The following SUPT16H variants were observed in gnomAD, a reference collection of about 807,000 sequenced individuals.
SUPT16H encodes SPT16 homolog, facilitates chromatin remodeling subunit, also known as FACT complex subunit SPT16.
Under a neutral mutation model 136.2 loss-of-function variants are expected in SUPT16H, and 24 were observed. The observed-to-expected ratio is 0.18, with a 90% CI of 0.13 to 0.25. The LOEUF is 0.25. Ranked by LOEUF, SUPT16H falls within the 10% of genes least tolerant of loss-of-function variation. The pLI is 1.00. For synonymous variants in SUPT16H, 415 were observed against 428.2 expected, an observed-to-expected ratio of 0.97 and a Z score of 0.38; for missense variants, 623 against 1,270.2, an observed-to-expected ratio of 0.49 and a Z score of 7.74.
chr14:21,352,919 A>C, intron 25 of SUPT16H, 101 bp from the exon 26 acceptor site: 2 of 1,499,010 alleles, frequency 1.3e-6, no homozygotes, highest in Non-Finnish European at 1.8e-6. Context: ...TTGGAATCAG[A>C]CCCAAGTTTT....
rs1886735904 is a variant in SUPT16H, at chr14:21,369,193, C to A, written c.782+11G>T. On this transcript the variant is annotated intron_variant, in intron 6 of 25. Transcript: ENST00000216297. The stretch of plus-strand genomic sequence containing the variant: ...TCAAAATGCTATATTATGAAGTCTT[C>A]ATATACTTACCTCACCACACTGAAC... 6.2e-7 allele frequency: 1 copy of A among 1,612,104 alleles called. No homozygotes were observed. The highest frequency in any genetic ancestry group is 8.5e-7 in the Non-Finnish European group (1 of 1,179,526).
At chr14:21,368,174 C>T (rs774450577) in intron 7 of SUPT16H, 95 bp downstream of exon 7, 7 of 1,314,046 alleles carry the variant, frequency 5.3e-6, no homozygotes, top group Non-Finnish European at 7.3e-6. Flanking sequence ...CTGCCTCGGC[C>T]TCCCAGTGTA....
chr14:21,369,344 G>A lies in SUPT16H; in HGVS notation c.642C>T (p.His214=). Residue 214 remains histidine, a synonymous_variant, in exon 6 of 26, where the codon CAC becomes CAT. Transcript: ENST00000216297. ...EIVDADEKVR[H]SKLAESVEKA... is the part of the protein sequence containing the mutation. ...TTTCCACAGACTCAGCCAGTTTGCT[G>A]TGTCGAACTTTCTGTAAGAGCATCC... The A allele has an allele frequency of 1.2e-6, 2 of 1,614,142 alleles. No homozygotes were observed. Among genetic ancestry groups the A allele is most frequent in the Non-Finnish European group, 8.5e-7 (1 of 1,179,982 alleles).
intron 8 of SUPT16H, 64 bp downstream of exon 8, chr14:21,366,373 TAA>T: frequency 6.8e-7 from 1 of 1,463,760 alleles, no homozygotes; most frequent in Admixed American, 1.8e-5. Context: ...CCTAAAGAAA[TAA>T]GACTGACCAC....
intron 1 of SUPT16H, 47 bp downstream of exon 1, chr14:21,383,815 G>C: frequency 6.2e-7 from 1 of 1,607,104 alleles, no homozygotes; most frequent in Non-Finnish European, 8.5e-7. Context: ...GGTTATTATG[G>C]GATGGCTAAG....
In SUPT16H at chr14:21,361,126, T is replaced by C. The variant is rs1254132579; in HGVS notation, c.1881A>G (p.Glu627=). 2 of 1,614,074 alleles carry C rather than the reference T, an allele frequency of 1.2e-6. No individual in the cohort carries two copies. Among genetic ancestry groups the C allele is most frequent in the African/African-American group, 2.7e-5 (2 of 74,940 alleles). ...CTCGAGTTTTATAACGTTTCTGTACTTCTTTAATAATTCGGAAAGCATTCT... is the reference window on the plus strand; with the variant it reads ...CTCGAGTTTTATAACGTTTCTGTACCTCTTTAATAATTCGGAAAGCATTCT... ...NLQNAFRIIK[E]VQKRYKTREA... The change falls in exon 16 of 26, where the codon GAA becomes GAG. Residue 627 remains glutamate (E), a synonymous_variant. Coordinates refer to ENST00000216297, the MANE Select transcript of SUPT16H (RefSeq NM_007192.4).
At position 21,359,479 on chromosome 14, in the gene SUPT16H, C is replaced by T. The variant is rs749566073; in HGVS notation, c.2301+5G>A. 6.2e-7 allele frequency: 1 copy of T among 1,611,942 alleles called. No homozygotes were observed. Among genetic ancestry groups the T allele is most frequent in the Non-Finnish European group, 8.5e-7 (1 of 1,179,584 alleles). On this transcript the variant is annotated splice_donor_5th_base_variant and intron_variant, in intron 19 of 25. Coordinates refer to ENST00000216297, the MANE Select transcript of SUPT16H (RefSeq NM_007192.4). ...CCTGCAAATACAATACTAAATTTCA[C>T]AAACCTGCTCAGCATAGAGGTCATC...
At chr14:21,363,600 C>T (rs1326966473) in intron 10 of SUPT16H, 97 bp from the exon 11 acceptor site, 1 of 1,031,510 alleles carries the variant, frequency 9.7e-7, no homozygotes, top group East Asian at 2.4e-5. Flanking sequence ...ATCTTTTGGA[C>T]ACTAAAATGT....
At chr14:21,372,472 C>T (rs191849591) in intron 2 of SUPT16H, 2 of 315,538 alleles carry the variant, frequency 6.3e-6, no homozygotes, top group East Asian at 1.7e-4. Flanking sequence ...ATTTTACCTT[C>T]CTTTCAGGTA....
rs1248135411 is a variant in SUPT16H at position 21,369,362 on chromosome 14, G to C, written c.631-7C>G. On this transcript the variant is annotated splice_region_variant and splice_polypyrimidine_tract_variant and intron_variant, in intron 5 of 25. Transcript: ENST00000216297. ...GTTTGCTGTGTCGAACTTTCTGTAAGAGCATCCAGAAATAAAGTAACACTT... is the reference window on the plus strand; with the variant it reads ...GTTTGCTGTGTCGAACTTTCTGTAACAGCATCCAGAAATAAAGTAACACTT... The C allele has an allele frequency of 6.2e-7, 1 of 1,614,026 alleles. No individual in the cohort carries two copies. The highest frequency in any genetic ancestry group is 8.5e-7 in the Non-Finnish European group (1 of 1,179,942).
At chr14:21,368,652 G>A (rs1341887272) in intron 6 of SUPT16H, among the ~76,000 whole-genome samples, 4 of 152,084 alleles carry the variant, frequency 2.6e-5, no homozygotes, top group Admixed American at 2.6e-4. Context: ...AAAACTTTTA[G>A]GATAAAAATT....
chr14:21,373,101 A>C (rs980844401), intron 2 of SUPT16H, among the ~76,000 whole-genome samples: 1 of 152,004 alleles, frequency 6.6e-6, no homozygotes, highest in African/African-American at 2.4e-5. Flanking sequence ...ACACCCCCAC[A>C]TCTGCTTAAT....
chr14:21,372,571 G>A (rs1886809971), intron 2 of SUPT16H: 6 of 367,290 alleles, frequency 1.6e-5, no homozygotes, highest in South Asian at 1.2e-4. Flanking sequence ...AAGAAAAGGT[G>A]GCCTCCTGTT....
intron 14 of SUPT16H, 113 bp from the exon 15 acceptor site, chr14:21,362,437 C>G (rs991388638): frequency 2.0e-6 from 2 of 990,396 alleles, no homozygotes; most frequent in Non-Finnish European, 2.8e-6. Context: ...TAACCTTAAT[C>G]TAAATCTAAT....
intron 20 of SUPT16H, 46 bp from the exon 21 acceptor site, chr14:21,358,048 T>G: frequency 6.5e-7 from 1 of 1,536,960 alleles, no homozygotes; most frequent in Non-Finnish European, 9.0e-7. Context: ...CGAGAGAGAC[T>G]GCTCCTACCA....
chr14:21,375,016 CTTT>C (rs990566718), intron 1 of SUPT16H, among the ~76,000 whole-genome samples: 1 of 149,228 alleles, frequency 6.7e-6, no homozygotes, highest in Admixed American at 6.7e-5. Flanking sequence ...TAGTATCCTG[CTTT>C]TTTTTTTCTT....
chr14:21,368,459 A>T lies in SUPT16H; in HGVS notation c.783-18T>A. The stretch of plus-strand genomic sequence containing the variant: ...TCTTGTCACTAGAGACCAACAAAGA[A>T]AGAAAACATTTCATTACCAAAACTA... On this transcript the variant is annotated intron_variant, in intron 6 of 25. Coordinates refer to ENST00000216297, the MANE Select transcript of SUPT16H (RefSeq NM_007192.4). 1.3e-6 allele frequency: 2 copies of T among 1,579,206 alleles called. No homozygotes were observed. The highest frequency in any genetic ancestry group is 1.7e-6 in the Non-Finnish European group (2 of 1,163,154).
chr14:21,367,310 G>C (rs544302256), intron 7 of SUPT16H, among the ~76,000 whole-genome samples: 1 of 152,290 alleles, frequency 6.6e-6, no homozygotes, highest in South Asian at 2.1e-4. Flanking sequence ...TTTAAGAGTT[G>C]ATAAATGGTA....
At chr14:21,354,322 C>T in intron 23 of SUPT16H, 89 bp downstream of exon 23, 1 of 1,480,016 alleles carries the variant, frequency 6.8e-7, no homozygotes, top group Non-Finnish European at 9.0e-7. Flanking sequence ...ATGGCCTAGT[C>T]CCTTATGTAC....
Sources: gnomAD v4.1 joint callset for allele counts (sites outside exome capture counted in the v4.1 genomes callset) on GRCh38, gnomAD v4.1.1 for gene constraint, MANE v1.5 for transcripts, NCBI Gene and HGNC (gene_info 2026-07-23, HGNC 2026-07-21) for gene names.